The following TLK1 variants were observed in gnomAD, a reference collection of about 807,000 sequenced individuals.
TLK1 encodes the protein serine/threonine-protein kinase tousled-like 1.
Under a neutral mutation model 105.3 loss-of-function variants are expected in TLK1, and 24 were observed. The ratio of observed to expected loss-of-function variants is 0.23; its 90% CI spans 0.17 to 0.32. The LOEUF (loss-of-function observed/expected upper bound fraction) is 0.32, where lower values mean the gene tolerates loss of function less well. Among genes scored for constraint, TLK1 ranks in the 10% least tolerant of loss-of-function variants. The pLI is 1.00. For synonymous variants in TLK1, 321 were observed against 310.4 expected, an observed-to-expected ratio of 1.03 and a Z score of -0.36; for missense variants, 558 against 910.5, an observed-to-expected ratio of 0.61 and a Z score of 4.98.
chr2:171,154,290 C>T (rs1048561574), intron 1 of TLK1: 1 of 152,086 alleles, frequency 6.6e-6, no homozygotes, highest in African/African-American at 2.4e-5. Context: ...AAACTTTCCC[C>T]TAATAAATTA....
intron 2 of TLK1, among the ~76,000 whole-genome samples, chr2:171,112,622 G>T (rs994679440): frequency 6.6e-6 from 1 of 152,096 alleles, no homozygotes; most frequent in Admixed American, 6.5e-5. Context: ...TGTATTTAAG[G>T]TATAAGAGAT....
chr2:171,150,516 C>G (rs1691990448), intron 1 of TLK1, among the ~76,000 whole-genome samples: 1 of 152,224 alleles, frequency 6.6e-6, no homozygotes, highest in African/African-American at 2.4e-5. Context: ...ACAGCCACCA[C>G]AGTGGCTACC....
At chr2:171,178,336 G>A (rs555323877) in intron 1 of TLK1, among the ~76,000 whole-genome samples, 1 of 152,298 alleles carries the variant, frequency 6.6e-6, no homozygotes, top group African/African-American at 2.4e-5. Context: ...GCTCTCAACT[G>A]TTCTGCATAG....
At chr2:171,139,627 A>AACAAC (rs1402111088) in intron 1 of TLK1, among the ~76,000 whole-genome samples, 105 of 150,834 alleles carry the variant, frequency 7.0e-4, no homozygotes, top group African/African-American at 2.5e-3. Context: ...CAACAACAAC[A>AACAAC]AAAACCGGTT....
chr2:171,162,519 C>T (rs1692530623), upstream of TLK1, among the ~76,000 whole-genome samples: 1 of 152,158 alleles, frequency 6.6e-6, no homozygotes, highest in Non-Finnish European at 1.5e-5. Context: ...GCCTGGGCGA[C>T]AGAGCGAGAC....
At chr2:171,136,722 G>C (rs1437536092) in intron 1 of TLK1, among the ~76,000 whole-genome samples, 2 of 152,174 alleles carry the variant, frequency 1.3e-5, no homozygotes, top group African/African-American at 2.4e-5. Context: ...TCTATGAAAA[G>C]TCAGAGAAAC....
intron 1 of TLK1, among the ~76,000 whole-genome samples, chr2:171,121,624 A>C (rs1690658268): frequency 6.6e-6 from 1 of 152,214 alleles, no homozygotes; most frequent in South Asian, 2.1e-4. Context: ...CAAAATGAAA[A>C]GGTAAACAAC....
chr2:171,127,945 G>C (rs1451807298), intron 1 of TLK1, among the ~76,000 whole-genome samples: 2 of 152,034 alleles, frequency 1.3e-5, no homozygotes, highest in East Asian at 3.8e-4. Context: ...TCACCCAAAT[G>C]TCTGACAACA....
At chr2:171,018,223 TA>T (rs1258948933) in intron 12 of TLK1, among the ~76,000 whole-genome samples, 1 of 152,024 alleles carries the variant, frequency 6.6e-6, no homozygotes, top group Non-Finnish European at 1.5e-5. Context: ...CATGTTAGGA[TA>T]AAGTGAGAGG....
chr2:171,019,015 TACTC>T (rs1461778604), intron 12 of TLK1, among the ~76,000 whole-genome samples: 4 of 152,098 alleles, frequency 2.6e-5, no homozygotes, highest in Non-Finnish European at 2.9e-5. Flanking sequence ...TAAAATCTAA[TACTC>T]ACATAAAAAG....
intron 1 of TLK1, among the ~76,000 whole-genome samples, chr2:171,143,625 T>C (rs985857173): frequency 6.0e-5 from 9 of 149,292 alleles, no homozygotes; most frequent in East Asian, 4.0e-4. Flanking sequence ...AGAATTAATG[T>C]AGCTATGAAG....
intron 1 of TLK1, among the ~76,000 whole-genome samples, chr2:171,120,158 A>G (rs1224904135): frequency 6.7e-6 from 1 of 148,658 alleles, no homozygotes; most frequent in Non-Finnish European, 1.5e-5. Context: ...CTGAGGCAAG[A>G]GAATCACCTG....
rs1435915858 is a variant in TLK1 at position 171,067,166 on chromosome 2, T to TA, written c.331-6011_331-6010insT. ...ACAGAATATGTGCACTTAGGTTTTT[T>TA]TTTTTTTTTCTGAGACAGAGTCTCA... On this transcript the variant is annotated intron_variant, in intron 3 of 20. Coordinates refer to ENST00000431350, the MANE Select transcript of TLK1 (RefSeq NM_012290.5). Among the ~76,000 whole-genome samples the TA allele has an allele frequency of 1.3e-4, 19 of 151,512 alleles. No individual in the cohort carries two copies. In the South Asian group the frequency reaches 4.0e-3, roughly 32 times the overall value.
chr2:171,008,261 AG>A (rs2105364778), intron 14 of TLK1, among the ~76,000 whole-genome samples: 1 of 152,266 alleles, frequency 6.6e-6, no homozygotes, highest in South Asian at 2.1e-4. Context: ...CCCAAAAGTT[AG>A]GGTTATTGAG....
chr2:171,079,338 C>G (rs1385420789), intron 3 of TLK1, among the ~76,000 whole-genome samples: 2 of 152,166 alleles, frequency 1.3e-5, no homozygotes, highest in Non-Finnish European at 2.9e-5. Context: ...TGGTTTCTTG[C>G]GCTTTGCTTC....
chr2:171,119,837 C>T (rs1690580405), intron 1 of TLK1, among the ~76,000 whole-genome samples: 1 of 152,072 alleles, frequency 6.6e-6, no homozygotes, highest in Non-Finnish European at 1.5e-5. Flanking sequence ...GGATCAAATG[C>T]CTGAATATAA....
chr2:171,201,738 C>A (rs1693401215), intron 1 of TLK1, among the ~76,000 whole-genome samples: 1 of 152,204 alleles, frequency 6.6e-6, no homozygotes, highest in Non-Finnish European at 1.5e-5. Context: ...TTAAAGGGAG[C>A]TGTTCCATCA....
intron 12 of TLK1, among the ~76,000 whole-genome samples, chr2:171,020,080 T>A (rs954640978): frequency 4.1e-5 from 6 of 146,438 alleles, no homozygotes; most frequent in South Asian, 2.2e-4. Flanking sequence ...AAAAAAAAAA[T>A]TTAACACCAA....
At chr2:171,166,477 A>G (rs956895345) in intron 1 of TLK1, among the ~76,000 whole-genome samples, 1 of 152,214 alleles carries the variant, frequency 6.6e-6, no homozygotes, top group Non-Finnish European at 1.5e-5. Flanking sequence ...TCATTGCCCA[A>G]TGTTTGTGGT....
Sources: allele counts gnomAD v4.1 joint callset (sites outside exome capture counted in the v4.1 genomes callset), GRCh38; gene constraint gnomAD v4.1.1; transcripts MANE v1.5; gene names NCBI Gene and HGNC (gene_info 2026-07-23, HGNC 2026-07-21).